Variants in DAAM1 observed in about 807,000 individuals in gnomAD.
DAAM1 encodes the protein disheveled-associated activator of morphogenesis 1.
Under a neutral mutation model 130.0 loss-of-function variants are expected in DAAM1, and 52 were observed. The ratio of observed to expected loss-of-function variants is 0.40; its 90% CI spans 0.32 to 0.50. The LOEUF is 0.50. Ranked by LOEUF, DAAM1 falls within the 20% of genes least tolerant of loss-of-function variation. DAAM1 has a pLI of 0.61. For synonymous variants in DAAM1, 452 were observed against 444.5 expected (o/e 1.02, Z -0.21); for missense variants, 1,134 against 1,303.8 (o/e 0.87, Z 2.01).
At chr14:59,231,552 T>G (rs533235731) in intron 1 of DAAM1, among the ~76,000 whole-genome samples, 2 of 152,282 alleles carry the variant, frequency 1.3e-5, no homozygotes, top group South Asian at 4.1e-4. Flanking sequence ...TGTTTAGTGA[T>G]TAAGACGTTG....
intron 1 of DAAM1, among the ~76,000 whole-genome samples, chr14:59,194,796 A>G (rs966381567): frequency 1.3e-5 from 2 of 152,236 alleles, no homozygotes; most frequent in African/African-American, 4.8e-5. Flanking sequence ...CCAAATAAAC[A>G]ATTTCTATTC....
chr14:59,314,480 A>ATTT (rs780481713), intron 3 of DAAM1, among the ~76,000 whole-genome samples: 1 of 143,022 alleles, frequency 7.0e-6, no homozygotes, highest in African/African-American at 2.6e-5. Flanking sequence ...CTGATAACTG[A>ATTT]TTTTTTTTTT....
At chr14:59,275,925 G>T (rs1882945037) in intron 2 of DAAM1, among the ~76,000 whole-genome samples, 1 of 152,098 alleles carries the variant, frequency 6.6e-6, no homozygotes, top group South Asian at 2.1e-4. Context: ...TAAGAATATT[G>T]GCAGAAATTT....
Position 59,325,730 on chromosome 14 carries a change from G to A in DAAM1, c.1056G>A (p.Leu352=), listed in dbSNP as rs761421755. The change falls in exon 9 of 25, where the codon CTG becomes CTA. Residue 352 remains leucine (L), a splice_region_variant and synonymous_variant. Transcript: ENST00000360909. ...DELEFAKRFE[L]VHIDTKSATQ... ...TAGAATTTGCCAAAAGATTTGAACT[G>A]GTACGTATGCTTACAATTATTCTGG... 1 of 1,613,810 alleles carries A rather than the reference G, an allele frequency of 6.2e-7. No homozygotes were observed. Among genetic ancestry groups the A allele is most frequent in the Admixed American group, 1.7e-5 (1 of 60,014 alleles).
At chr14:59,237,617 C>T (rs1037678808) in intron 1 of DAAM1, among the ~76,000 whole-genome samples, 7 of 152,050 alleles carry the variant, frequency 4.6e-5, no homozygotes, top group African/African-American at 1.7e-4. Context: ...CATTTGAAAA[C>T]TTGAATTTAT....
intron 3 of DAAM1, among the ~76,000 whole-genome samples, chr14:59,305,505 C>G (rs1884342951): frequency 6.6e-6 from 1 of 152,126 alleles, no homozygotes; most frequent in Non-Finnish European, 1.5e-5. Flanking sequence ...AAGTAAGTGT[C>G]TCATAGTTTG....
chr14:59,348,229 C>G (rs1485830537), intron 17 of DAAM1, among the ~76,000 whole-genome samples: 3 of 152,130 alleles, frequency 2.0e-5, no homozygotes, highest in Non-Finnish European at 4.4e-5. Flanking sequence ...GGATTTACAC[C>G]CAGTCAGATT....
At chr14:59,343,590 C>T (rs1258229402) in intron 16 of DAAM1, among the ~76,000 whole-genome samples, 1 of 152,180 alleles carries the variant, frequency 6.6e-6, no homozygotes, top group Non-Finnish European at 1.5e-5. Context: ...TGGCGTATTC[C>T]ATGGGCTGTA....
At chr14:59,225,069 C>T (rs1888900381) in intron 1 of DAAM1, among the ~76,000 whole-genome samples, 1 of 118,340 alleles carries the variant, frequency 8.5e-6, no homozygotes, top group African/African-American at 3.3e-5. Context: ...CCTTCTGTTA[C>T]CAGGCTGGAG....
intron 3 of DAAM1, among the ~76,000 whole-genome samples, chr14:59,313,103 A>G (rs1884654495): frequency 6.6e-6 from 1 of 152,224 alleles, no homozygotes; most frequent in African/African-American, 2.4e-5. Context: ...GAACAATTGC[A>G]TTCATCTCCT....
chr14:59,212,538 T>C (rs980535128), intron 1 of DAAM1, among the ~76,000 whole-genome samples: 3 of 152,148 alleles, frequency 2.0e-5, no homozygotes, highest in African/African-American at 7.2e-5. Context: ...TAGCTTGGAG[T>C]ACCAATACAG....
intron 2 of DAAM1, among the ~76,000 whole-genome samples, chr14:59,277,970 A>G (rs995464597): frequency 1.3e-5 from 2 of 152,172 alleles, no homozygotes; most frequent in African/African-American, 4.8e-5. Flanking sequence ...TGAACGCTAT[A>G]TATACTATGT....
intron 17 of DAAM1, among the ~76,000 whole-genome samples, chr14:59,348,566 G>A (rs984328280): frequency 6.6e-6 from 1 of 152,118 alleles, no homozygotes; most frequent in Non-Finnish European, 1.5e-5. Context: ...ATAAGTCCAC[G>A]TTTGTTAGAG....
intron 3 of DAAM1, among the ~76,000 whole-genome samples, chr14:59,293,963 T>A (rs180983535): frequency 5.3e-5 from 8 of 152,300 alleles, no homozygotes; most frequent in Non-Finnish European, 8.8e-5. Context: ...TCGCCTAGCC[T>A]TTTCAAATCA....
At chr14:59,320,394 T>C in intron 4 of DAAM1, 96 bp from the exon 5 acceptor site, 5 of 938,194 alleles carry the variant, frequency 5.3e-6, no homozygotes, top group Non-Finnish European at 7.9e-6. Flanking sequence ...TGTTTATATT[T>C]AAAGTGATAG....
chr14:59,269,393 T>C (rs890134622), intron 2 of DAAM1, among the ~76,000 whole-genome samples: 10 of 152,318 alleles, frequency 6.6e-5, no homozygotes, highest in Admixed American at 5.9e-4. Context: ...ACACATTGTG[T>C]TTCTTGGTGC....
intron 1 of DAAM1, among the ~76,000 whole-genome samples, chr14:59,197,291 A>G (rs1887930193): frequency 6.6e-6 from 1 of 152,254 alleles, no homozygotes; most frequent in African/African-American, 2.4e-5. Flanking sequence ...GGTGGAAAAG[A>G]AACAACAATA....
At chr14:59,328,823 G>GT (rs1291489460) in intron 12 of DAAM1, among the ~76,000 whole-genome samples, 1 of 152,186 alleles carries the variant, frequency 6.6e-6, no homozygotes, top group Non-Finnish European at 1.5e-5. Flanking sequence ...TTGTTTTAGT[G>GT]TTTTAAAGTG....
chr14:59,286,556 A>C (rs544470687), intron 2 of DAAM1, among the ~76,000 whole-genome samples: 1 of 152,258 alleles, frequency 6.6e-6, no homozygotes, highest in African/African-American at 2.4e-5. Flanking sequence ...GGGAAAAAGC[A>C]GAGAAAATCT....
Sources: gnomAD v4.1 joint callset for allele counts (sites outside exome capture counted in the v4.1 genomes callset) on GRCh38, gnomAD v4.1.1 for gene constraint, MANE v1.5 for transcripts, NCBI Gene and HGNC (gene_info 2026-07-23, HGNC 2026-07-21) for gene names.